RFC5: variants seen among roughly 807,000 people sequenced by gnomAD.
RFC5 encodes A1 36 kDa subunit.
Under a neutral mutation model 44.3 loss-of-function variants are expected in RFC5, and 26 were observed. The observed-to-expected ratio is 0.59, with a 90% CI of 0.43 to 0.81. The LOEUF is 0.81. Ranked by LOEUF, RFC5 falls within the 40% of genes least tolerant of loss-of-function variation. The probability of loss-of-function intolerance (pLI) is 0.00; values close to 1 mark genes in which losing one functional copy is unlikely to be tolerated. For synonymous variants in RFC5, 155 were observed against 155.2 expected, an observed-to-expected ratio of 1.00 and a Z score of 0.01; for missense variants, 328 against 418.6, an observed-to-expected ratio of 0.78 and a Z score of 1.89.
chr12:118,040,198 C>T, the RFC5 span, among the ~76,000 whole-genome samples: 590 of 152,096 alleles, frequency 3.9e-3, 2 homozygotes, highest in Admixed American at 6.8e-3. Context: ...ATCATGGTTT[C>T]TTCAGCTGTC....
intron 1 of RFC5, among the ~76,000 whole-genome samples, chr12:118,018,767 G>A (rs1240746259): frequency 6.6e-6 from 1 of 152,060 alleles, no homozygotes; most frequent in Admixed American, 6.5e-5. Context: ...ATGCCACCAT[G>A]CCCAGCTAAT....
At chr12:118,021,036 A>G (rs752462565) in intron 4 of RFC5, 51 bp downstream of exon 4, 1 of 1,152,978 alleles carries the variant, frequency 8.7e-7, no homozygotes, top group South Asian at 1.3e-5. Flanking sequence ...TAGTAAGATG[A>G]TATGGGTTAA....
rs2030885938 is a variant in RFC5 at position 118,025,746 on chromosome 12, G to A, written c.582-1G>A. ...AAATCCCTTTTGCTTATTTCTTTCA[G>A]AGTTGATATAAGTGAAGATGGAATG... is the stretch of plus-strand genomic sequence containing the variant. On this transcript the variant is annotated splice_acceptor_variant, in intron 6 of 10. Coordinates refer to ENST00000454402, the MANE Select transcript of RFC5 (RefSeq NM_007370.7). LOFTEE classifies it high-confidence loss of function. 6.3e-7 allele frequency: 1 copy of A among 1,591,506 alleles called. No homozygotes were observed. The highest frequency in any genetic ancestry group is 1.3e-5 in the African/African-American group (1 of 74,482).
At position 118,019,485 on chromosome 12, in the gene RFC5, A is replaced by G. The variant is rs777478270; in HGVS notation, c.131-147A>G. ...TGAATTCCAGTTGTTCCACGAAAGT[A>G]GATATGAGGCCCCTACATCAAGTTG... On this transcript the variant is annotated intron_variant, in intron 2 of 10. Transcript: ENST00000454402. This position sits in a 1 kb window ranked among gnomAD's most constrained non-coding sequence, Gnocchi z 4.2. The G allele has an allele frequency of 8.0e-4, 654 of 819,906 alleles. 2 individuals carry two copies. Among genetic ancestry groups the G allele is most frequent in the Non-Finnish European group, 1.1e-3 (579 of 505,154 alleles). 50.8% of individuals were successfully genotyped at this position (819,906 alleles called of 1,614,324 possible).
intron 5 of RFC5, among the ~76,000 whole-genome samples, chr12:118,023,037 T>C (rs1268751959): frequency 2.7e-5 from 4 of 150,898 alleles, no homozygotes; most frequent in Non-Finnish European, 5.9e-5. Context: ...TTCCGTGGGA[T>C]GGGGTGTGGA....
At chr12:118,018,524 A>C (rs1420022635) in intron 1 of RFC5, among the ~76,000 whole-genome samples, 1 of 152,074 alleles carries the variant, frequency 6.6e-6, no homozygotes, top group Non-Finnish European at 1.5e-5. Flanking sequence ...AGACAAAATC[A>C]CCTGTGGTTG....
downstream of RFC5, chr12:118,033,978 C>T (rs762077635): frequency 1.2e-4 from 68 of 586,680 alleles, no homozygotes; most frequent in East Asian, 1.3e-3. Flanking sequence ...GCTCTGTTGC[C>T]GTGCAAGTGG....
chr12:118,025,536 C>T (rs564319981), intron 6 of RFC5: 6 of 486,942 alleles, frequency 1.2e-5, no homozygotes, highest in African/African-American at 5.8e-5. Context: ...AGGCTGTTCT[C>T]GATTTTGGTT....
At chr12:118,039,754 AT>A in the RFC5 span, among the ~76,000 whole-genome samples, 1 of 150,708 alleles carries the variant, frequency 6.6e-6, no homozygotes, top group Non-Finnish European at 1.5e-5. Flanking sequence ...ATTTTTTTTT[AT>A]TTTTTTGAGA....
chr12:118,019,651 A>C lies in RFC5; in HGVS notation c.150A>C (p.Glu50Asp), dbSNP rs1195694672. ...CCTCAGTTCAGAAGTTTATCAATGA[A>C]GACCGACTGCCACACTTGCTTCTCT... ...ILSTIQKFIN[E>D]DRLPHLLLYG... Residue 50 changes from glutamate (E) to aspartate (D), a missense_variant, in exon 3 of 11, where the codon GAA (glutamate) becomes GAC (aspartate). By Grantham distance (45) the Glu-to-Asp change is conservative. Transcript: ENST00000454402. This position sits in a 1 kb window ranked among gnomAD's most constrained non-coding sequence, Gnocchi z 4.2. 1.2e-6 allele frequency: 2 copies of C among 1,613,984 alleles called. No individual in the cohort carries two copies. Among genetic ancestry groups the C allele is most frequent in the East Asian group, 2.2e-5 (1 of 44,894 alleles).
chr12:118,019,657 A>T lies in RFC5; in HGVS notation c.156A>T (p.Arg52=), dbSNP rs1387062090. 3 of 1,614,080 alleles carry T rather than the reference A, an allele frequency of 1.9e-6. No individual in the cohort carries two copies. The highest frequency in any genetic ancestry group is 1.7e-6 in the Non-Finnish European group (2 of 1,179,960). Residue 52 remains arginine, a synonymous_variant, in exon 3 of 11, where the codon CGA becomes CGT. Coordinates refer to ENST00000454402, the MANE Select transcript of RFC5 (RefSeq NM_007370.7). The surrounding 1 kb of genome is among the most constrained non-coding windows in gnomAD (Gnocchi z 4.2). ...STIQKFINED[R]LPHLLLYGPP... is the part of the protein sequence containing the mutation. Reference sequence around the variant, plus strand: ...TTCAGAAGTTTATCAATGAAGACCGACTGCCACACTTGCTTCTCTACGGTC... The same window carrying T: ...TTCAGAAGTTTATCAATGAAGACCGTCTGCCACACTTGCTTCTCTACGGTC...
chr12:118,029,377 C>T (rs966226554), intron 9 of RFC5, among the ~76,000 whole-genome samples: 3 of 152,196 alleles, frequency 2.0e-5, no homozygotes, highest in African/African-American at 7.2e-5. Context: ...ATGATCACGC[C>T]ATGCCATGGC....
At chr12:118,039,176 G>A in the RFC5 span, among the ~76,000 whole-genome samples, 2 of 152,174 alleles carry the variant, frequency 1.3e-5, no homozygotes, top group Non-Finnish European at 2.9e-5. Flanking sequence ...GAGCAGTGGT[G>A]TGGAGTCACT....
chr12:118,023,059 C>T (rs539159991), intron 5 of RFC5, among the ~76,000 whole-genome samples: 2 of 118,528 alleles, frequency 1.7e-5, no homozygotes, highest in South Asian at 3.0e-4. Context: ...AATCTTTCAT[C>T]CTTAAGCTAT....
intron 1 of RFC5, 83 bp downstream of exon 1, chr12:118,016,975 C>T: frequency 8.9e-7 from 1 of 1,126,904 alleles, no homozygotes; most frequent in Non-Finnish European, 1.3e-6. Context: ...GGCAGGTGAC[C>T]GGACCCCAAC....
the RFC5 span, chr12:118,038,320 T>G: frequency 3.8e-5 from 62 of 1,614,032 alleles, no homozygotes; most frequent in Non-Finnish European, 5.1e-5. Flanking sequence ...CACAGCATGC[T>G]GCAGTCTGGG....
downstream of RFC5, chr12:118,034,970 G>A (rs745731845): frequency 6.2e-7 from 1 of 1,611,822 alleles, no homozygotes; most frequent in South Asian, 1.1e-5. Context: ...CATCTGTTCA[G>A]CTAACAAATA....
the RFC5 span, among the ~76,000 whole-genome samples, chr12:118,039,965 C>T: frequency 2.6e-5 from 4 of 152,010 alleles, no homozygotes; most frequent in Non-Finnish European, 2.9e-5. Context: ...AGGCTGGTCT[C>T]GAACTCCTGA....
downstream of RFC5, chr12:118,032,463 T>C (rs2031373451): frequency 6.6e-6 from 1 of 152,136 alleles, no homozygotes; most frequent in African/African-American, 2.4e-5. Context: ...GTACTACTTG[T>C]TTTATGTGTT....
Sources: allele counts gnomAD v4.1 joint callset (sites outside exome capture counted in the v4.1 genomes callset), GRCh38; gene constraint gnomAD v4.1.1; non-coding constraint Gnocchi (gnomAD v3.1); transcripts MANE v1.5; gene names NCBI Gene and HGNC (gene_info 2026-07-23, HGNC 2026-07-21).